The following SIRT2 variants were observed in gnomAD, a reference collection of about 807,000 sequenced individuals.
SIRT2 encodes the protein sirtuin 2, also known as NAD-dependent protein deacetylase sirtuin-2.
Under a neutral mutation model 57.4 loss-of-function variants are expected in SIRT2, and 40 were observed. The observed-to-expected ratio is 0.70, with a 90% CI of 0.54 to 0.91. The LOEUF (loss-of-function observed/expected upper bound fraction) is 0.91, where lower values mean the gene tolerates loss of function less well. SIRT2 is among the 40% of genes least tolerant of loss of function. The pLI is 0.00. For synonymous variants in SIRT2, 161 were observed against 195.7 expected (o/e 0.82, Z 1.48); for missense variants, 439 against 510.4 (o/e 0.86, Z 1.35).
At chr19:38,898,264 G>A in intron 2 of SIRT2, 115 bp downstream of exon 2, 1 of 627,614 alleles carries the variant, frequency 1.6e-6, no homozygotes. Context: ...GTGAGGGATT[G>A]GGGCAATGAG....
intron 8 of SIRT2, among the ~76,000 whole-genome samples, chr19:38,884,230 G>GA (rs111558533): frequency 3.3e-5 from 5 of 151,536 alleles, no homozygotes; most frequent in African/African-American, 9.7e-5. Context: ...TCATTTTTCA[G>GA]AAAAAAAATG....
chr19:38,890,037 T>A lies in SIRT2; in HGVS notation c.268+66A>T, dbSNP rs991722119. The A allele has an allele frequency of 6.8e-6, 11 of 1,607,430 alleles. No individual in the cohort carries two copies. The Admixed American group carries it at 1.7e-4, about 24-fold the overall frequency. Reference sequence around the variant, plus strand: ...CAGGACAGGGCTCAGATAGGGCTCCTCCCCAGCCCTTGGGAGGGACTCCCC... The same window carrying A: ...CAGGACAGGGCTCAGATAGGGCTCCACCCCAGCCCTTGGGAGGGACTCCCC... On this transcript the variant is annotated intron_variant, in intron 5 of 15. Coordinates refer to ENST00000249396, the MANE Select transcript of SIRT2 (RefSeq NM_012237.4).
In SIRT2 at chr19:38,889,275, G is replaced by A. The variant is rs545457177; in HGVS notation, c.433-120C>T. 1.3e-5 allele frequency: 11 copies of A among 876,902 alleles called. No individual in the cohort carries two copies. In the East Asian group the frequency reaches 2.6e-4, roughly 21 times the overall value. 54.3% of individuals were successfully genotyped at this position (876,902 alleles called of 1,614,324 possible). On this transcript the variant is annotated intron_variant, in intron 7 of 15. Transcript: ENST00000249396. Reference sequence around the variant, plus strand: ...TTACCCCCAGGGAACCGTCACAGCAGCCGCGTCGGGGAGAGACCACTGCTA... The same window carrying A: ...TTACCCCCAGGGAACCGTCACAGCAACCGCGTCGGGGAGAGACCACTGCTA...
At chr19:38,893,934 T>C in intron 2 of SIRT2, 67 bp from the exon 3 acceptor site, 3 of 1,606,158 alleles carry the variant, frequency 1.9e-6, no homozygotes, top group Non-Finnish European at 2.6e-6. Flanking sequence ...GAGGGGGTGA[T>C]ACCAGGTTTG....
At chr19:38,894,062 C>G (rs1481643823) in intron 2 of SIRT2, 195 bp from the exon 3 acceptor site, 3 of 1,175,994 alleles carry the variant, frequency 2.6e-6, no homozygotes, top group African/African-American at 1.6e-5. Flanking sequence ...TGGCCATGCC[C>G]GTCCCCAGGA....
Position 38,880,419 on chromosome 19 carries a change from C to A in SIRT2, c.876+266G>T, listed in dbSNP as rs987914976. The A allele has an allele frequency of 2.5e-5, 11 of 436,882 alleles. No individual in the cohort carries two copies. The highest frequency in any genetic ancestry group is 1.1e-4 in the East Asian group (3 of 28,004). 27.1% of individuals were successfully genotyped at this position (436,882 alleles called of 1,614,324 possible). ...CCCCCCGCACTGTCTCTCCTGACCC[C>A]TGCACCCCCTCCCACCTCCTCAGTC... On this transcript the variant is annotated intron_variant, in intron 13 of 15. Coordinates refer to ENST00000249396, the MANE Select transcript of SIRT2 (RefSeq NM_012237.4). The surrounding 1 kb of genome is among the most constrained non-coding windows in gnomAD (Gnocchi z 4.1).
chr19:38,886,492 G>A (rs1973344407), intron 8 of SIRT2, among the ~76,000 whole-genome samples: 1 of 149,176 alleles, frequency 6.7e-6, no homozygotes. Context: ...TTGCTCTACT[G>A]GTCCAGGCTG....
chr19:38,895,078 G>T (rs3136578), intron 2 of SIRT2, among the ~76,000 whole-genome samples: 1 of 142,820 alleles, frequency 7.0e-6, no homozygotes, highest in South Asian at 2.2e-4. Flanking sequence ...CTCCCTCCTC[G>T]CCCTCCTGCC....
At chr19:38,891,871 AG>A (rs1491003094) in intron 4 of SIRT2, 95 of 469,030 alleles carry the variant, frequency 2.0e-4, no homozygotes. Context: ...GGGCCTGCCC[AG>A]GCTAAAAGAT....
Position 38,878,971 on chromosome 19 carries a change from G to A in SIRT2, c.*184C>T. The A allele has an allele frequency of 1.7e-6, 1 of 582,760 alleles. No homozygotes were observed. The highest frequency in any genetic ancestry group is 2.9e-6 in the Non-Finnish European group (1 of 343,364). The allele number at this position is 582,760 out of a possible 1,614,324, so 36.1% of individuals were successfully genotyped here. ...GTTTAAGCCTTGGCCTCTAGGAGGT[G>A]TTAGAGATTTGCTGGGGTTGGGGGC... On this transcript the variant is annotated 3_prime_UTR_variant, in exon 16 of 16. Coordinates refer to ENST00000249396, the MANE Select transcript of SIRT2 (RefSeq NM_012237.4).
chr19:38,889,665 C>T (rs764061956), intron 7 of SIRT2, 24 bp downstream of exon 7: 1 of 1,613,188 alleles, frequency 6.2e-7, no homozygotes, highest in South Asian at 1.1e-5. Flanking sequence ...TCCTGTTTCG[C>T]CCCCTGCAAA....
At position 38,889,276 on chromosome 19, in the gene SIRT2, C is replaced by A. The variant is rs1429474191; in HGVS notation, c.433-121G>T. ...TACCCCCAGGGAACCGTCACAGCAGCCGCGTCGGGGAGAGACCACTGCTAT... is the reference window on the plus strand; with the variant it reads ...TACCCCCAGGGAACCGTCACAGCAGACGCGTCGGGGAGAGACCACTGCTAT... On this transcript the variant is annotated intron_variant, in intron 7 of 15. Transcript: ENST00000249396. 8 of 878,444 alleles carry A rather than the reference C, an allele frequency of 9.1e-6. No homozygotes were observed. The Admixed American group carries it at 1.2e-4, about 13-fold the overall frequency. The allele number at this position is 878,444 out of a possible 1,614,324, so 54.4% of individuals were successfully genotyped here.
chr19:38,884,615 A>G (rs566237570), intron 8 of SIRT2, among the ~76,000 whole-genome samples: 10 of 151,924 alleles, frequency 6.6e-5, no homozygotes, highest in African/African-American at 2.2e-4. Context: ...TGACTGGCTA[A>G]TTTTTGTATT....
intron 6 of SIRT2, 38 bp downstream of exon 6, chr19:38,889,817 C>T: frequency 6.2e-7 from 1 of 1,613,130 alleles, no homozygotes; most frequent in Non-Finnish European, 8.5e-7. Context: ...ACCCCATCCC[C>T]ACCCCTCACA....
intron 2 of SIRT2, among the ~76,000 whole-genome samples, chr19:38,897,424 C>T (rs1349026131): frequency 6.6e-6 from 1 of 152,206 alleles, no homozygotes; most frequent in Non-Finnish European, 1.5e-5. Context: ...ACAGCTAGAC[C>T]AGCCTGTGGA....
At chr19:38,895,174 G>A (rs1202886042) in intron 2 of SIRT2, among the ~76,000 whole-genome samples, 3 of 151,476 alleles carry the variant, frequency 2.0e-5, no homozygotes, top group African/African-American at 7.3e-5. Flanking sequence ...GCTCCACCTG[G>A]TCCAGCCTGT....
At chr19:38,897,138 C>T (rs149922027) in intron 2 of SIRT2, among the ~76,000 whole-genome samples, 9 of 152,254 alleles carry the variant, frequency 5.9e-5, no homozygotes, top group African/African-American at 2.2e-4. Flanking sequence ...CCGTGATAGG[C>T]GTTTCTCTTC....
intron 8 of SIRT2, among the ~76,000 whole-genome samples, chr19:38,883,960 G>C (rs894740864): frequency 6.6e-6 from 1 of 152,174 alleles, no homozygotes; most frequent in Non-Finnish European, 1.5e-5. Context: ...GACAGTCAAG[G>C]CTGCTTAAAG....
rs200544410 is a variant in SIRT2, at chr19:38,889,983, G to A, written c.269-22C>T. 2,082 of 1,611,624 alleles carry A rather than the reference G, an allele frequency of 1.3e-3. 4 individuals carry two copies. Among genetic ancestry groups the A allele is most frequent in the Middle Eastern group, 3.6e-3 (22 of 6,050 alleles). ...GCGGCTAGGAAAGGGGGGTCAGGGA[G>A]CAGTTGGTCTATACCATACTAACCC... is the stretch of plus-strand genomic sequence containing the variant. On this transcript the variant is annotated intron_variant, in intron 5 of 15. Transcript: ENST00000249396.
Sources: gnomAD v4.1 joint callset for allele counts (sites outside exome capture counted in the v4.1 genomes callset) on GRCh38, gnomAD v4.1.1 for gene constraint, Gnocchi (gnomAD v3.1) non-coding constraint, MANE v1.5 for transcripts, NCBI Gene and HGNC (gene_info 2026-07-23, HGNC 2026-07-21) for gene names.